EDA: variants seen among roughly 807,000 people sequenced by gnomAD.
EDA encodes the protein ectodysplasin-A.
In EDA, 2 loss-of-function variants were observed where a neutral mutation model predicts 23.6. That is an observed-to-expected ratio of 0.08 (90% CI 0.03 to 0.27). The LOEUF is 0.27. Among genes scored for constraint, EDA ranks in the 10% least tolerant of loss-of-function variants. The pLI, the probability that EDA is intolerant of heterozygous loss-of-function variation, is 1.00. For synonymous variants in EDA, 131 were observed against 132.0 expected (o/e 0.99, Z 0.05); for missense variants, 229 against 324.2 (o/e 0.71, Z 2.26).
intron 1 of EDA, among the ~76,000 whole-genome samples, chrX:69,793,627 G>T (rs1327251969): frequency 1.1e-5 from 1 of 92,368 alleles, no homozygotes; most frequent in African/African-American, 4.2e-5. Context: ...CAAATAAGCA[G>T]ATCTTTCTGA....
intron 1 of EDA, among the ~76,000 whole-genome samples, chrX:69,685,647 G>C (rs1472518867): frequency 9.8e-5 from 11 of 111,886 alleles, no homozygotes; most frequent in Admixed American, 1.9e-4. Context: ...TAAAGAACAA[G>C]ATAAATAGGT....
At chrX:69,743,335 G>A (rs1251952959) in intron 1 of EDA, among the ~76,000 whole-genome samples, 2 of 111,794 alleles carry the variant, frequency 1.8e-5, no homozygotes, top group Non-Finnish European at 3.8e-5. Context: ...ATATGGAAGA[G>A]GACTGGACCA....
intron 1 of EDA, among the ~76,000 whole-genome samples, chrX:69,895,395 TACACACACAC>T (rs200298403): frequency 0.06 from 5,151 of 86,082 alleles, 201 homozygotes; most frequent in African/African-American, 0.14. Flanking sequence ...TTTCTCAACC[TACACACACAC>T]ACACACACAC....
chrX:69,937,053 G>C (rs1351180004), intron 1 of EDA: 2 of 493,245 alleles, frequency 4.1e-6, no homozygotes, highest in Admixed American at 3.4e-5. Flanking sequence ...ATGAAAGGGC[G>C]GGGGGAAGGG....
At chrX:69,695,464 A>G (rs771719322) in intron 1 of EDA, among the ~76,000 whole-genome samples, 2 of 110,206 alleles carry the variant, frequency 1.8e-5, no homozygotes, top group African/African-American at 3.3e-5. Context: ...AGTTGTAGAA[A>G]AATCCTTGGC....
chrX:69,650,820 AG>A (rs1933082736), intron 1 of EDA, among the ~76,000 whole-genome samples: 1 of 111,326 alleles, frequency 9.0e-6, no homozygotes, highest in African/African-American at 3.3e-5. Flanking sequence ...GGTTTTGCTG[AG>A]TAGGTAGCAT....
At chrX:69,809,121 A>G (rs1411341230) in intron 1 of EDA, among the ~76,000 whole-genome samples, 1 of 111,934 alleles carries the variant, frequency 8.9e-6, no homozygotes, top group African/African-American at 3.3e-5. Flanking sequence ...AGTGCCAAAT[A>G]CTTAATATTG....
chrX:69,787,222 T>C (rs1285254317), intron 1 of EDA, among the ~76,000 whole-genome samples: 1 of 100,666 alleles, frequency 9.9e-6, no homozygotes, highest in Admixed American at 1.1e-4. Context: ...TACAGCAAAC[T>C]GATGGGTCTT....
At chrX:69,641,073 G>T (rs1932833885) in intron 1 of EDA, among the ~76,000 whole-genome samples, 1 of 110,502 alleles carries the variant, frequency 9.0e-6, no homozygotes, top group Non-Finnish European at 1.9e-5. Context: ...AGCCCTTCTG[G>T]TAATCGTGAG....
chrX:69,911,771 TA>T (rs1356131386), intron 1 of EDA, among the ~76,000 whole-genome samples: 1 of 112,322 alleles, frequency 8.9e-6, no homozygotes, highest in Non-Finnish European at 1.9e-5. Flanking sequence ...AGTTTGTTGC[TA>T]AAAAATGCTA....
intron 1 of EDA, among the ~76,000 whole-genome samples, chrX:69,929,704 T>TTG (rs1267786684): frequency 1.6e-5 from 1 of 64,381 alleles, no homozygotes; most frequent in East Asian, 2.8e-3. Flanking sequence ...TTCATTCTAT[T>TTG]TTTGTGTGTG....
rs2020132090 is a variant in EDA, at chrX:70,027,799, G to GT, written c.527-58_527-57insT. ...GATCGTGCCACTGAACTCCAGCCTG[G>GT]GCAACAGAGCAGGACTCCGTCTCAA... On this transcript the variant is annotated intron_variant, in intron 3 of 7. Coordinates refer to ENST00000374552, the MANE Select transcript of EDA (RefSeq NM_001399.5). The GT allele has an allele frequency of 7.2e-6, 4 of 553,245 alleles. No homozygotes were observed. In the African/African-American group the frequency reaches 9.5e-5, roughly 13 times the overall value. 45.6% of individuals were successfully genotyped at this position (553,245 alleles called of 1,213,427 possible).
chrX:69,883,084 A>C (rs1430573777), intron 1 of EDA, among the ~76,000 whole-genome samples: 1 of 112,286 alleles, frequency 8.9e-6, no homozygotes, highest in Non-Finnish European at 1.9e-5. Flanking sequence ...TTGCAAGCTT[A>C]ATTTTTAATG....
intron 1 of EDA, among the ~76,000 whole-genome samples, chrX:69,789,689 A>T (rs1013803271): frequency 9.0e-6 from 1 of 111,606 alleles, no homozygotes; most frequent in African/African-American, 3.3e-5. Flanking sequence ...CTGCTTCTAA[A>T]AATTGTATCT....
rs373775745 is a variant in EDA, at chrX:69,760,246, A to G, written c.396+143542A>G. On this transcript the variant is annotated intron_variant, in intron 1 of 7. Transcript: ENST00000374552. ...CAAAGCAGTACAAATGTACATCATC[A>G]TCATTTTGCCTAGCTTTGACTTTAT... is the stretch of plus-strand genomic sequence containing the variant. Among the ~76,000 whole-genome samples, 78 of 107,302 alleles carry G rather than the reference A, an allele frequency of 7.3e-4. 1 individual carries two copies. The East Asian group carries it at 0.016, about 22-fold the overall frequency. The allele number at this position is 107,302 out of a possible 115,157, so 93.2% of individuals were successfully genotyped here. A position where few individuals can be genotyped will look rare whatever the true frequency, so the allele number is the denominator to read the frequency against.
chrX:69,834,728 T>G (rs1358211876), intron 1 of EDA, among the ~76,000 whole-genome samples: 1 of 111,456 alleles, frequency 9.0e-6, no homozygotes, highest in African/African-American at 3.3e-5. Context: ...AGGTTAATAT[T>G]GTTATGTGTG....
chrX:70,033,634 T>G, intron 7 of EDA, 106 bp downstream of exon 7: 2 of 966,828 alleles, frequency 2.1e-6, no homozygotes, highest in Non-Finnish European at 2.9e-6. Flanking sequence ...ATGGCTAACT[T>G]CCTGCTTTGG....
chrX:69,784,620 T>G (rs372515173), intron 1 of EDA, among the ~76,000 whole-genome samples: 1 of 107,653 alleles, frequency 9.3e-6, no homozygotes, highest in African/African-American at 3.4e-5. Flanking sequence ...GGCGTTATTT[T>G]TGAGGGCTCT....
intron 2 of EDA, 134 bp downstream of exon 2, chrX:69,957,266 C>A: frequency 1.7e-6 from 1 of 572,074 alleles, no homozygotes; most frequent in Non-Finnish European, 2.9e-6. Flanking sequence ...CCCACGCGGG[C>A]AGATCACTTG....
Sources: gnomAD v4.1 joint callset for allele counts (sites outside exome capture counted in the v4.1 genomes callset) on GRCh38, gnomAD v4.1.1 for gene constraint, MANE v1.5 for transcripts, NCBI Gene and HGNC (gene_info 2026-07-23, HGNC 2026-07-21) for gene names.